CSMD3: variants seen among roughly 807,000 people sequenced by gnomAD.
CSMD3 encodes the protein CUB and sushi domain-containing protein 3.
Under a neutral mutation model 435.2 loss-of-function variants are expected in CSMD3, and 177 were observed. The ratio of observed to expected loss-of-function variants is 0.41; its 90% confidence interval spans 0.36 to 0.46. CSMD3 has a LOEUF of 0.46. Among genes scored for constraint, CSMD3 ranks in the 20% least tolerant of loss-of-function variants. The pLI, the probability that CSMD3 is intolerant of heterozygous loss-of-function variation, is 0.34. For synonymous variants in CSMD3, 1,656 were observed against 1,520.5 expected, an observed-to-expected ratio of 1.09 and a Z score of -2.07; for missense variants, 4,265 against 4,504.6, an observed-to-expected ratio of 0.95 and a Z score of 1.52.
chr8:112,647,971 C>A (rs976849806), intron 19 of CSMD3, among the ~76,000 whole-genome samples: 1 of 152,130 alleles, frequency 6.6e-6, no homozygotes, highest in Non-Finnish European at 1.5e-5. Flanking sequence ...TTAGTCATCA[C>A]TATTATTACC....
At chr8:113,161,120 T>A (rs1186514874) in intron 4 of CSMD3, among the ~76,000 whole-genome samples, 1 of 152,106 alleles carries the variant, frequency 6.6e-6, no homozygotes, top group Admixed American at 6.6e-5. Context: ...TAGTCTATTC[T>A]CTGAGCATCT....
rs1329649126 is a variant in CSMD3, at chr8:113,341,446, G to A, written c.179-26653C>T. Among the ~76,000 whole-genome samples, 4 of 152,042 alleles carry A rather than the reference G, an allele frequency of 2.6e-5. No homozygotes were observed. In the East Asian group the frequency reaches 7.7e-4, roughly 29 times the overall value. On this transcript the variant is annotated intron_variant, in intron 1 of 70. Transcript: ENST00000297405. ...TTGATAGAGTAATCAACAGTTCAAG[G>A]CAATATTTATTGAGCATGAGCTAGA... is the stretch of plus-strand genomic sequence containing the variant.
At position 112,244,541 on chromosome 8, in the gene CSMD3, G is replaced by A. The variant is rs972511321; in HGVS notation, c.10255C>T (p.His3419Tyr). ...HSCKQPETPA[H>Y]ANVVGMDLPS... is the part of the protein sequence containing the mutation. Reference sequence around the variant, plus strand: ...AGGTCCATCCCTACGACATTTGCATGAGCAGGAGTTTCTGGCTGTTTACAG... The same window carrying A: ...AGGTCCATCCCTACGACATTTGCATAAGCAGGAGTTTCTGGCTGTTTACAG... Residue 3419 changes from histidine to tyrosine, a missense_variant, in exon 65 of 71, where the codon CAT becomes TAT. His to Tyr is a moderately conservative substitution (Grantham distance 83, BLOSUM62 2). Transcript: ENST00000297405. 1.2e-6 allele frequency: 2 copies of A among 1,613,798 alleles called. No individual in the cohort carries two copies. Among genetic ancestry groups the A allele is most frequent in the Non-Finnish European group, 1.7e-6 (2 of 1,179,784 alleles).
intron 12 of CSMD3, among the ~76,000 whole-genome samples, chr8:112,807,856 GATGA>G (rs2079129340): frequency 1.3e-5 from 2 of 152,106 alleles, no homozygotes; most frequent in Non-Finnish European, 1.5e-5. Flanking sequence ...AAAGGAAACT[GATGA>G]ATGAATTATA....
At chr8:113,276,657 A>T (rs1282827378) in intron 3 of CSMD3, among the ~76,000 whole-genome samples, 1 of 152,072 alleles carries the variant, frequency 6.6e-6, no homozygotes, top group Admixed American at 6.6e-5. Flanking sequence ...CCAAACAGAG[A>T]AATCAGCAAA....
At chr8:112,743,545 A>C (rs1285653468) in intron 13 of CSMD3, among the ~76,000 whole-genome samples, 2 of 151,928 alleles carry the variant, frequency 1.3e-5, no homozygotes, top group Non-Finnish European at 2.9e-5. Context: ...TCTTGTGATT[A>C]TGTATATGTA....
intron 32 of CSMD3, among the ~76,000 whole-genome samples, chr8:112,461,032 A>T (rs2130677141): frequency 6.6e-6 from 1 of 152,262 alleles, no homozygotes; most frequent in South Asian, 2.1e-4. Context: ...ACATTATTTC[A>T]AAATGCAAAT....
chr8:112,392,314 C>CAAAAAAAAAAA (rs1200157495), intron 35 of CSMD3, among the ~76,000 whole-genome samples: 1 of 83,976 alleles, frequency 1.2e-5, no homozygotes, highest in Non-Finnish European at 2.2e-5. Flanking sequence ...GGCAATTACT[C>CAAAAAAAAAAA]AAAAAAAAAA....
intron 4 of CSMD3, among the ~76,000 whole-genome samples, chr8:113,145,544 T>C (rs1332335869): frequency 1.3e-5 from 2 of 151,624 alleles, no homozygotes; most frequent in Admixed American, 1.3e-4. Flanking sequence ...AAGACGTATT[T>C]TGCACTAAAA....
chr8:112,649,895 A>C (rs2075080847), intron 19 of CSMD3, among the ~76,000 whole-genome samples: 1 of 152,162 alleles, frequency 6.6e-6, no homozygotes, highest in Non-Finnish European at 1.5e-5. Flanking sequence ...GCATGTTCTT[A>C]AAATAGTTAC....
chr8:112,780,654 G>A lies in CSMD3; in HGVS notation c.1972+19508C>T, dbSNP rs531920637. The stretch of plus-strand genomic sequence containing the variant: ...TGGGGCACACAGAATCTGTGTGCTT[G>A]GAGTAGGGAGAACACAACAATTGCG... On this transcript the variant is annotated intron_variant, in intron 13 of 70. Coordinates refer to ENST00000297405, the MANE Select transcript of CSMD3 (RefSeq NM_198123.2). Among the ~76,000 whole-genome samples the A allele has an allele frequency of 3.3e-5, 5 of 152,126 alleles. No individual in the cohort carries two copies. In the South Asian group the frequency reaches 1.0e-3, roughly 32 times the overall value.
intron 1 of CSMD3, among the ~76,000 whole-genome samples, chr8:113,379,057 T>G (rs7842427): frequency 0.098 from 14,979 of 152,206 alleles, 856 homozygotes; most frequent in Middle Eastern, 0.16. Context: ...AGTGAGATAC[T>G]AATAACACTT....
In CSMD3 at chr8:112,512,782, T is replaced by G. The variant is rs1231333377; in HGVS notation, c.4756+4252A>C. ...AAAGTTCTAGATGACACTATTCGAATAGAATGCTGTTTCATCTACATTGAA... is the reference window on the plus strand; with the variant it reads ...AAAGTTCTAGATGACACTATTCGAAGAGAATGCTGTTTCATCTACATTGAA... On this transcript the variant is annotated intron_variant, in intron 28 of 70. Transcript: ENST00000297405. Among the ~76,000 whole-genome samples the G allele has an allele frequency of 1.3e-5, 2 of 152,190 alleles. 1 individual carries two copies. The highest frequency in any genetic ancestry group is 2.9e-5 in the Non-Finnish European group (2 of 68,006).
chr8:112,684,170 TATAG>T (rs927246777), intron 15 of CSMD3, among the ~76,000 whole-genome samples: 81 of 152,012 alleles, frequency 5.3e-4, no homozygotes, highest in Admixed American at 2.7e-3. Context: ...AAATAAAAAT[TATAG>T]ATAGATAGAT....
At chr8:113,159,144 T>C (rs2091990358) in intron 4 of CSMD3, among the ~76,000 whole-genome samples, 1 of 152,020 alleles carries the variant, frequency 6.6e-6, no homozygotes, top group Non-Finnish European at 1.5e-5. Context: ...TCTAGGCTTG[T>C]GTTAGGCTTG....
At chr8:113,034,854 T>G (rs974090) in intron 5 of CSMD3, among the ~76,000 whole-genome samples, 150,027 of 152,172 alleles carry the variant, frequency 0.99, 73,976 homozygotes, top group African/African-American at 1. Context: ...ATTACATAAT[T>G]ATAGAAAATA....
chr8:112,254,314 G>A lies in CSMD3; in HGVS notation c.10049C>T (p.Thr3350Ile), dbSNP rs1353172664. 1.2e-6 allele frequency: 2 copies of A among 1,611,076 alleles called. No homozygotes were observed. Among genetic ancestry groups the A allele is most frequent in the Non-Finnish European group, 8.5e-7 (1 of 1,177,468 alleles). Residue 3350 changes from threonine (T) to isoleucine (I), a missense_variant, in exon 63 of 71, where the codon ACC becomes ATC. Transcript: ENST00000297405. ...AGGCACACCTGGGTTTTCACAAGAG[G>A]TTTGGGTAGGCTCTAAAATGAAGAT... ...SSPHCIEPTQ[T>I]SCENPGVPRH...
At chr8:112,836,145 G>T (rs887914621) in intron 11 of CSMD3, among the ~76,000 whole-genome samples, 1 of 151,774 alleles carries the variant, frequency 6.6e-6, no homozygotes, top group African/African-American at 2.4e-5. Context: ...ACATATCTTT[G>T]TATGCAGTAA....
chr8:112,484,816 T>C (rs1196920579), intron 31 of CSMD3, among the ~76,000 whole-genome samples: 1 of 152,058 alleles, frequency 6.6e-6, no homozygotes, highest in Non-Finnish European at 1.5e-5. Context: ...TTGGAGCATT[T>C]TGGATTTGGG....
Sources: allele counts gnomAD v4.1 joint callset (sites outside exome capture counted in the v4.1 genomes callset), GRCh38; gene constraint gnomAD v4.1.1; transcripts MANE v1.5; gene names NCBI Gene and HGNC (gene_info 2026-07-23, HGNC 2026-07-21).